QTRT1: variants seen among roughly 807,000 people sequenced by gnomAD.
The protein encoded by QTRT1 is TGT, 43-KD subunit.
A neutral mutation model predicts 44.0 loss-of-function variants in QTRT1; 41 were observed. The ratio of observed to expected loss-of-function variants is 0.93; its 90% CI spans 0.73 to 1.21. QTRT1 has a LOEUF of 1.21. QTRT1 is among the 50% of genes most tolerant of loss of function. QTRT1 has a pLI of 0.00. For synonymous variants in QTRT1, 226 were observed against 237.1 expected (o/e 0.95, Z 0.43); for missense variants, 542 against 575.8 (o/e 0.94, Z 0.60).
At chr19:10,710,889 C>A (rs2068735992) in intron 5 of QTRT1, among the ~76,000 whole-genome samples, 2 of 148,762 alleles carry the variant, frequency 1.3e-5, no homozygotes. Flanking sequence ...TGCCATTGCA[C>A]TCCAGCCTGG....
chr19:10,709,710 G>A (rs921890090), intron 5 of QTRT1, among the ~76,000 whole-genome samples: 9 of 152,182 alleles, frequency 5.9e-5, no homozygotes, highest in African/African-American at 9.7e-5. Flanking sequence ...TTAGCTGGGC[G>A]TGGTGGCGGG....
intron 3 of QTRT1, among the ~76,000 whole-genome samples, chr19:10,705,528 C>T (rs963467433): frequency 6.6e-6 from 1 of 151,760 alleles, no homozygotes; most frequent in Non-Finnish European, 1.5e-5. Context: ...CGTGAGTCAC[C>T]ACGCCTGCCC....
intron 1 of QTRT1, 86 bp downstream of exon 1, chr19:10,701,789 C>T (rs2068690315): frequency 8.9e-6 from 14 of 1,564,880 alleles, no homozygotes; most frequent in Non-Finnish European, 1.2e-5. Context: ...GGACACTCCT[C>T]CCAAAGTCAA....
rs1372284103 is a variant in QTRT1, at chr19:10,712,141, A to G, written c.647-20A>G. Reference sequence around the variant, plus strand: ...GCGCATTTCCTCTTCTGTGGCCCTCACCTTACCCTGTACCCTCAGAGATGA... The same window carrying G: ...GCGCATTTCCTCTTCTGTGGCCCTCGCCTTACCCTGTACCCTCAGAGATGA... On this transcript the variant is annotated intron_variant, in intron 5 of 9. Coordinates refer to ENST00000250237, the MANE Select transcript of QTRT1 (RefSeq NM_031209.3). The surrounding 1 kb of genome is among the most constrained non-coding windows in gnomAD (Gnocchi z 5.6). The G allele has an allele frequency of 1.1e-5, 18 of 1,611,342 alleles. No homozygotes were observed. Among genetic ancestry groups the G allele is most frequent in the Non-Finnish European group, 1.4e-5 (16 of 1,179,982 alleles).
chr19:10,713,216 C>G lies in QTRT1; in HGVS notation c.1158C>G (p.Leu386=). The change falls in exon 10 of 10, where the codon CTC becomes CTG. Residue 386 remains leucine (L), a synonymous_variant. Transcript: ENST00000250237. This position sits in a 1 kb window ranked among gnomAD's most constrained non-coding sequence, Gnocchi z 4.3. ...GCGCCATGTACGGGGATCCCACCCT[C>G]TGTCCCACCTGGGCCACTGACGCTC... ...FMGAMYGDPT[L]CPTWATDALA... 6.2e-7 allele frequency: 1 copy of G among 1,606,684 alleles called. No homozygotes were observed. Among genetic ancestry groups the G allele is most frequent in the South Asian group, 1.1e-5 (1 of 90,178 alleles).
In QTRT1 at chr19:10,712,350, TG is replaced by T; in HGVS notation, c.785+55del. 1 of 1,574,730 alleles carries T rather than the reference TG, an allele frequency of 6.4e-7. No homozygotes were observed. The highest frequency in any genetic ancestry group is 8.6e-7 in the Non-Finnish European group (1 of 1,159,692). On this transcript the variant is annotated intron_variant, in intron 6 of 9. Coordinates refer to ENST00000250237, the MANE Select transcript of QTRT1 (RefSeq NM_031209.3). The surrounding 1 kb of genome is among the most constrained non-coding windows in gnomAD (Gnocchi z 5.6). ...GCCCTACCTGTGGGAAGTGGATTCC[TG>T]GGGACCCCCTACCCTGCTTGGGGAG... is the stretch of plus-strand genomic sequence containing the variant.
Position 10,712,541 on chromosome 19 carries a change from C to T in QTRT1, c.786-12C>T, listed in dbSNP as rs373619206. 3 of 1,612,740 alleles carry T rather than the reference C, an allele frequency of 1.9e-6. No homozygotes were observed. Among genetic ancestry groups the T allele is most frequent in the East Asian group, 2.2e-5 (1 of 44,886 alleles). ...GGTTCTCTGCCCCCTCCCGTCATGG[C>T]TGCAACCCCAGCTATGCCACTGATC... On this transcript the variant is annotated splice_polypyrimidine_tract_variant and intron_variant, in intron 6 of 9. Transcript: ENST00000250237. This position sits in a 1 kb window ranked among gnomAD's most constrained non-coding sequence, Gnocchi z 5.6.
At position 10,713,214 on chromosome 19, in the gene QTRT1, C is replaced by T; in HGVS notation, c.1156C>T (p.Leu386Phe). The change falls in exon 10 of 10, where the codon CTC (leucine) becomes TTC (phenylalanine). Residue 386 changes from leucine (L) to phenylalanine (F), a missense_variant. By Grantham distance (22) the Leu-to-Phe change is conservative (BLOSUM62 0). Coordinates refer to ENST00000250237, the MANE Select transcript of QTRT1 (RefSeq NM_031209.3). The surrounding 1 kb of genome is among the most constrained non-coding windows in gnomAD (Gnocchi z 4.3). ...FMGAMYGDPTLCPTWATDALA... is the reference protein window; with the variant it reads ...FMGAMYGDPTFCPTWATDALA... ...GGGCGCCATGTACGGGGATCCCACC[C>T]TCTGTCCCACCTGGGCCACTGACGC... 6.2e-7 allele frequency: 1 copy of T among 1,607,264 alleles called. No individual in the cohort carries two copies. Among genetic ancestry groups the T allele is most frequent in the Non-Finnish European group, 8.5e-7 (1 of 1,176,794 alleles).
intron 3 of QTRT1, among the ~76,000 whole-genome samples, chr19:10,706,475 C>T (rs1016971398): frequency 6.6e-6 from 1 of 151,966 alleles, no homozygotes; most frequent in African/African-American, 2.4e-5. Context: ...CGGGTTCAAG[C>T]GATTCTCCTG....
chr19:10,712,260 G>T lies in QTRT1; in HGVS notation c.746G>T (p.Arg249Leu). The T allele has an allele frequency of 6.2e-7, 1 of 1,613,994 alleles. No individual in the cohort carries two copies. Among genetic ancestry groups the T allele is most frequent in the Non-Finnish European group, 8.5e-7 (1 of 1,179,980 alleles). The change falls in exon 6 of 10, where the codon CGG becomes CTG. Residue 249 changes from arginine to leucine, a missense_variant. Coordinates refer to ENST00000250237, the MANE Select transcript of QTRT1 (RefSeq NM_031209.3). The surrounding 1 kb of genome is among the most constrained non-coding windows in gnomAD (Gnocchi z 5.6). The part of the protein sequence containing the change: ...FWRMVALSTS[R>L]LPKDKPRYLM... ...CGGATGGTGGCGCTGAGCACCTCTC[G>T]GCTGCCGAAGGACAAGCCCCGATAT... is the stretch of plus-strand genomic sequence containing the variant.
Position 10,712,486 on chromosome 19 carries a change from G to T in QTRT1, c.786-67G>T, listed in dbSNP as rs1157974102. The T allele has an allele frequency of 6.6e-7, 1 of 1,508,456 alleles. No individual in the cohort carries two copies. Among genetic ancestry groups the T allele is most frequent in the African/African-American group, 1.4e-5 (1 of 72,808 alleles). The allele number at this position is 1,508,456 out of a possible 1,614,324, so 93.4% of individuals were successfully genotyped here. A position where few individuals can be genotyped will look rare whatever the true frequency, so the allele number is the denominator to read the frequency against. On this transcript the variant is annotated intron_variant, in intron 6 of 9. Coordinates refer to ENST00000250237, the MANE Select transcript of QTRT1 (RefSeq NM_031209.3). This position sits in a 1 kb window ranked among gnomAD's most constrained non-coding sequence, Gnocchi z 5.6. The stretch of plus-strand genomic sequence containing the variant: ...TATGGCCCAGTCTGGGGCAGTGTGA[G>T]GGTTGGGAGGGGCCCTGGGAAGCCC...
At chr19:10,707,458 C>G (rs780193815) in intron 4 of QTRT1, 42 bp from the exon 5 acceptor site, 2 of 1,608,832 alleles carry the variant, frequency 1.2e-6, no homozygotes, top group Non-Finnish European at 1.7e-6. Context: ...CTCCTACCCC[C>G]TCACCAGGCC....
intron 3 of QTRT1, among the ~76,000 whole-genome samples, chr19:10,705,764 G>A (rs187550794): frequency 5.4e-5 from 8 of 149,396 alleles, no homozygotes; most frequent in Admixed American, 6.7e-5. Flanking sequence ...TTGAACTCCC[G>A]ATCTCAAGTG....
intron 3 of QTRT1, among the ~76,000 whole-genome samples, chr19:10,705,796 A>C (rs1241313668): frequency 2.0e-5 from 3 of 148,514 alleles, no homozygotes; most frequent in South Asian, 2.1e-4. Flanking sequence ...TTGGCCTCCC[A>C]AAGTGCTGGG....
chr19:10,701,751 G>A (rs2068690177), intron 1 of QTRT1, 48 bp downstream of exon 1: 1 of 1,557,006 alleles, frequency 6.4e-7, no homozygotes, highest in Middle Eastern at 1.8e-4. Flanking sequence ...GGCGAGGCGT[G>A]GGGAGCCATG....
At chr19:10,704,182 T>C (rs2068702318) in intron 3 of QTRT1, among the ~76,000 whole-genome samples, 1 of 152,002 alleles carries the variant, frequency 6.6e-6, no homozygotes, top group Non-Finnish European at 1.5e-5. Flanking sequence ...CTCACTACAT[T>C]ATCTGGGCTG....
At position 10,701,621 on chromosome 19, in the gene QTRT1, T is replaced by G; in HGVS notation, c.161T>G (p.Met54Arg). Residue 54 changes from methionine (M) to arginine (R), a missense_variant, in exon 1 of 10, where the codon ATG (methionine) becomes AGG (arginine). Coordinates refer to ENST00000250237, the MANE Select transcript of QTRT1 (RefSeq NM_031209.3). ...ATGCCAGTGGGCACGCAGGCCACCATGAAGGGCATCACGACCGAACAGCTG... is the reference window on the plus strand; with the variant it reads ...ATGCCAGTGGGCACGCAGGCCACCAGGAAGGGCATCACGACCGAACAGCTG... ...VFMPVGTQAT[M>R]KGITTEQLDA... The G allele has an allele frequency of 6.2e-7, 1 of 1,605,706 alleles. No homozygotes were observed. Among genetic ancestry groups the G allele is most frequent in the Non-Finnish European group, 8.5e-7 (1 of 1,177,260 alleles).
At chr19:10,702,863 G>C (rs1268757744) in intron 3 of QTRT1, among the ~76,000 whole-genome samples, 11 of 147,792 alleles carry the variant, frequency 7.4e-5, no homozygotes, top group African/African-American at 2.7e-4. Context: ...TCTGCCTCCC[G>C]GGTTCAAGTG....
chr19:10,704,308 T>C (rs1311268598), intron 3 of QTRT1, among the ~76,000 whole-genome samples: 9 of 152,190 alleles, frequency 5.9e-5, no homozygotes, highest in Non-Finnish European at 4.4e-5. Flanking sequence ...GTTTGTTTTT[T>C]CTGGAGATGG....
Sources: allele counts gnomAD v4.1 joint callset (sites outside exome capture counted in the v4.1 genomes callset), GRCh38; gene constraint gnomAD v4.1.1; non-coding constraint Gnocchi (gnomAD v3.1); transcripts MANE v1.5; gene names NCBI Gene and HGNC (gene_info 2026-07-23, HGNC 2026-07-21).